UBAP2: variants seen among roughly 807,000 people sequenced by gnomAD.
UBAP2 encodes ubiquitin associated protein 2, also known as ubiquitin-associated protein 2.
A neutral mutation model predicts 139.6 loss-of-function variants in UBAP2; 75 were observed. The ratio of observed to expected loss-of-function variants is 0.54; its 90% confidence interval spans 0.45 to 0.65. The LOEUF (loss-of-function observed/expected upper bound fraction) is 0.65. Ranked by LOEUF, UBAP2 falls within the 30% of genes least tolerant of loss-of-function variation. UBAP2 has a pLI of 0.00. For synonymous variants in UBAP2, 526 were observed against 526.2 expected, an observed-to-expected ratio of 1.00 and a Z score of 0.01; for missense variants, 1,368 against 1,369.6, an observed-to-expected ratio of 1.00 and a Z score of 0.02.
At chr9:33,933,003 T>C (rs1232009354) in intron 18 of UBAP2, among the ~76,000 whole-genome samples, 1 of 152,202 alleles carries the variant, frequency 6.6e-6, no homozygotes, top group Non-Finnish European at 1.5e-5. Flanking sequence ...AAATCCACTT[T>C]TGCTCCTAGC....
chr9:33,953,167 C>G, intron 12 of UBAP2, 118 bp downstream of exon 12: 1 of 1,034,742 alleles, frequency 9.7e-7, no homozygotes, highest in Non-Finnish European at 1.4e-6. Flanking sequence ...TCATGCCCGG[C>G]CTTACTGTAG....
chr9:33,977,401 T>A (rs878862435), intron 6 of UBAP2, among the ~76,000 whole-genome samples: 23 of 152,118 alleles, frequency 1.5e-4, no homozygotes, highest in Non-Finnish European at 8.8e-5. Context: ...AGCAAGATAA[T>A]AGAATTATTG....
At chr9:33,959,414 G>A (rs890739999) in intron 10 of UBAP2, among the ~76,000 whole-genome samples, 2 of 152,136 alleles carry the variant, frequency 1.3e-5, no homozygotes, top group Non-Finnish European at 2.9e-5. Flanking sequence ...CAAAGTGTGC[G>A]TCATTGTATA....
intron 21 of UBAP2, 36 bp downstream of exon 21, chr9:33,926,953 G>A (rs750395787): frequency 3.7e-6 from 6 of 1,604,140 alleles, no homozygotes; most frequent in Non-Finnish European, 5.1e-6. Context: ...GAGGCCAGGG[G>A]AGCTGGGCAG....
In UBAP2 at chr9:33,973,166, G is replaced by A. The variant is rs1436881788; in HGVS notation, c.575+17C>T. 1 of 1,611,696 alleles carries A rather than the reference G, an allele frequency of 6.2e-7. No individual in the cohort carries two copies. The highest frequency in any genetic ancestry group is 1.1e-5 in the South Asian group (1 of 90,808). On this transcript the variant is annotated intron_variant, in intron 7 of 28. Coordinates refer to ENST00000379238, the MANE Select transcript of UBAP2 (RefSeq NM_001370062.2). ...AGGGAAGTAAATAATTATAAAAATA[G>A]GATGGCTATCACTTACCCCATGCCT...
intron 12 of UBAP2, among the ~76,000 whole-genome samples, chr9:33,951,558 GCTGGTCTCAAACTC>G (rs1826111601): frequency 6.6e-6 from 1 of 151,680 alleles, no homozygotes; most frequent in Non-Finnish European, 1.5e-5. Flanking sequence ...CATTGGCCAG[GCTGGTCTCAAACTC>G]CTGACCTCAG....
chr9:34,010,914 G>A lies in UBAP2; in HGVS notation c.99+6136C>T, dbSNP rs187850997. ...CAGAGTAGAAGATAAACCAAAGTCA[G>A]GGAGTATGGCTGAAATCTTTGTGGA... On this transcript the variant is annotated intron_variant, in intron 2 of 28. Coordinates refer to ENST00000379238, the MANE Select transcript of UBAP2 (RefSeq NM_001370062.2). Among the ~76,000 whole-genome samples the A allele has an allele frequency of 2.0e-5, 3 of 152,228 alleles. No homozygotes were observed. The East Asian group carries it at 5.8e-4, about 29-fold the overall frequency.
chr9:33,924,135 G>A, intron 23 of UBAP2, 71 bp downstream of exon 23: 1 of 1,592,638 alleles, frequency 6.3e-7, no homozygotes, highest in African/African-American at 1.3e-5. Context: ...GCTTGCTGTT[G>A]CTGCTTCCCA....
intron 10 of UBAP2, 112 bp downstream of exon 10, chr9:33,960,714 A>T (rs1826977339): frequency 1.0e-6 from 1 of 956,866 alleles, no homozygotes; most frequent in Admixed American, 2.2e-5. Context: ...TGGGAGGCAG[A>T]GGTTGCAATG....
At chr9:33,956,273 G>T in intron 10 of UBAP2, 127 bp from the exon 11 acceptor site, 1 of 577,926 alleles carries the variant, frequency 1.7e-6, no homozygotes, top group Non-Finnish European at 3.0e-6. Flanking sequence ...TAAAGAAAAT[G>T]AAATATACAA....
intron 18 of UBAP2, among the ~76,000 whole-genome samples, chr9:33,932,992 C>A (rs1824128995): frequency 6.6e-6 from 1 of 152,246 alleles, no homozygotes; most frequent in Non-Finnish European, 1.5e-5. Flanking sequence ...CAATTCCCAT[C>A]AAATCCACTT....
intron 4 of UBAP2, among the ~76,000 whole-genome samples, chr9:33,993,614 C>G (rs1262361171): frequency 6.6e-6 from 1 of 152,176 alleles, no homozygotes; most frequent in African/African-American, 2.4e-5. Flanking sequence ...TGTAGTAAAC[C>G]GTGATGGCAC....
At position 33,995,629 on chromosome 9, in the gene UBAP2, A is replaced by C. The variant is rs568112662; in HGVS notation, c.288+594T>G. The C allele has an allele frequency of 1.9e-3, 278 of 142,606 alleles. 2 individuals are homozygous for C. The highest frequency in any genetic ancestry group is 6.8e-3 in the African/African-American group (269 of 39,292). The allele number at this position is 142,606 out of a possible 1,614,324, so 8.8% of individuals were successfully genotyped here. A position where few individuals can be genotyped will look rare whatever the true frequency, so the allele number is the denominator to read the frequency against. Reference sequence around the variant, plus strand: ...AATAAATATATATTTATAAATAAATATATACATATGTATAAAAACTATAAT... The same window carrying C: ...AATAAATATATATTTATAAATAAATCTATACATATGTATAAAAACTATAAT... On this transcript the variant is annotated intron_variant, in intron 4 of 28. Coordinates refer to ENST00000379238, the MANE Select transcript of UBAP2 (RefSeq NM_001370062.2).
At chr9:33,932,942 T>C (rs1824123715) in intron 18 of UBAP2, among the ~76,000 whole-genome samples, 1 of 152,198 alleles carries the variant, frequency 6.6e-6, no homozygotes, top group Non-Finnish European at 1.5e-5. Flanking sequence ...ATTCAATCTG[T>C]GAACGAGGGA....
At chr9:33,928,325 G>T in intron 19 of UBAP2, 1 of 275,094 alleles carries the variant, frequency 3.6e-6, no homozygotes, top group Non-Finnish European at 6.8e-6. Context: ...AGATAACTTC[G>T]GATCATAAAT....
intron 1 of UBAP2, among the ~76,000 whole-genome samples, chr9:34,039,881 G>T (rs539748883): frequency 2.3e-5 from 3 of 132,956 alleles, no homozygotes; most frequent in Non-Finnish European, 4.8e-5. Flanking sequence ...AATACAAGCC[G>T]CACACGGTGG....
Position 33,969,921 on chromosome 9 carries a change from C to CTTTTTTTTTTTTTT in UBAP2, c.679+1716_679+1729dup, listed in dbSNP as rs1173625005. Among the ~76,000 whole-genome samples, 5 of 46,182 alleles carry CTTTTTTTTTTTTTT rather than the reference C, an allele frequency of 1.1e-4. 1 individual carries two copies. The highest frequency in any genetic ancestry group is 4.4e-4 in the African/African-American group (5 of 11,274). 30.3% of individuals were successfully genotyped at this position (46,182 alleles called of 152,430 possible). ...GCAAACTTAAATACCGTGTATAATTCTTTTTTTTTTTTTTTTTTTTTTTTT... is the reference window on the plus strand; with the variant it reads ...GCAAACTTAAATACCGTGTATAATTCTTTTTTTTTTTTTTTTTTTTTTTTTTTTTTTTTTTTTTT... On this transcript the variant is annotated intron_variant, in intron 8 of 28. Transcript: ENST00000379238.
intron 2 of UBAP2, among the ~76,000 whole-genome samples, chr9:33,999,282 C>CTG (rs1822479003): frequency 1.4e-5 from 2 of 145,506 alleles, no homozygotes; most frequent in South Asian, 4.3e-4. Context: ...TTAGCCTGGG[C>CTG]AACATAGAGA....
chr9:34,011,712 T>C, intron 2 of UBAP2: 1 of 966,844 alleles, frequency 1.0e-6, no homozygotes, highest in Non-Finnish European at 1.2e-6. Context: ...ATTCTTAAGT[T>C]AAACAAGGTC....
Sources: allele counts gnomAD v4.1 joint callset (sites outside exome capture counted in the v4.1 genomes callset), GRCh38; gene constraint gnomAD v4.1.1; transcripts MANE v1.5; gene names NCBI Gene and HGNC (gene_info 2026-07-23, HGNC 2026-07-21).